The following LRIT1 variants were observed in gnomAD, a reference collection of about 807,000 sequenced individuals.
The protein encoded by LRIT1 is leucine rich repeat, Ig-like and transmembrane domains 1.
In LRIT1, 23 loss-of-function variants were observed where a neutral mutation model predicts 24.0. That is an observed-to-expected ratio of 0.96 (90% CI 0.69 to 1.36). LRIT1 has a LOEUF of 1.36. LRIT1 is among the 40% of genes most tolerant of loss of function. The probability of loss-of-function intolerance (pLI) is 0.00; values close to 1 mark genes in which losing one functional copy is unlikely to be tolerated. For synonymous variants in LRIT1, 361 were observed against 340.5 expected, an observed-to-expected ratio of 1.06 and a Z score of -0.66; for missense variants, 846 against 806.3, an observed-to-expected ratio of 1.05 and a Z score of -0.60.
At chr10:84,233,593 C>A (rs1461484361) in intron 3 of LRIT1, among the ~76,000 whole-genome samples, 1 of 152,066 alleles carries the variant, frequency 6.6e-6, no homozygotes, top group Non-Finnish European at 1.5e-5. Context: ...TACTTATATG[C>A]AAAATAAGAA....
chr10:84,233,468 A>G (rs939501611), intron 3 of LRIT1, among the ~76,000 whole-genome samples: 1 of 149,650 alleles, frequency 6.7e-6, no homozygotes, highest in African/African-American at 2.5e-5. Context: ...CCAACCCACT[A>G]TGTTCTTAAG....
Position 84,241,415 on chromosome 10 carries a change from A to G in LRIT1, c.25T>C (p.Trp9Arg). Residue 9 changes from tryptophan to arginine, a missense_variant, in exon 1 of 4, where the codon TGG becomes CGG. Transcript: ENST00000372105. The stretch of plus-strand genomic sequence containing the variant: ...GGGGGCCACGCAAGGGCCAAGAGCC[A>G]GAGCATGCCTAATGCCACCCTCATG... MRVALGML[W>R]LLALAWPPQA... is the part of the protein sequence containing the mutation. 1 of 1,604,378 alleles carries G rather than the reference A, an allele frequency of 6.2e-7. No individual in the cohort carries two copies.
In LRIT1 at chr10:84,237,502, G is replaced by A; in HGVS notation, c.307C>T (p.Leu103=). The A allele has an allele frequency of 6.2e-7, 1 of 1,600,240 alleles. No individual in the cohort carries two copies. The highest frequency in any genetic ancestry group is 8.5e-7 in the Non-Finnish European group (1 of 1,177,292). The change falls in exon 2 of 4, where the codon CTG becomes TTG. Residue 103 remains leucine (L), a synonymous_variant. Transcript: ENST00000372105. ...TCCCGCAGGCGTCGCAGGCCCCGCA[G>A]CATGAGGGCGTTGAGCTCGCTGAGG... ...NALSELNALM[L]RGLRRLRELR...
rs1329664707 is a variant in LRIT1, at chr10:84,237,368, G to T, written c.441C>A (p.Pro147=). ...TCTCCAGGAAGCGCGCGGCCTCAGC[G>T]GGCACAGCCGAGAGGCGGTTGGCCT... ...DLQANRLSAV[P]AEAARFLENL... The change falls in exon 2 of 4, where the codon CCC becomes CCA. Residue 147 remains proline, a synonymous_variant. Transcript: ENST00000372105. The T allele has an allele frequency of 1.3e-6, 2 of 1,549,786 alleles. No homozygotes were observed. Among genetic ancestry groups the T allele is most frequent in the East Asian group, 2.4e-5 (1 of 40,896 alleles).
In LRIT1 at chr10:84,232,165, A is replaced by G. The variant is rs1842604334; in HGVS notation, c.1634T>C (p.Leu545Pro). ...CTGAAGAGCACTGCAGCAGACAAGC[A>G]GCGTGAGAGGCAGGGCAATGACGAT... is the stretch of plus-strand genomic sequence containing the variant. ...VAIVIALPLT[L>P]LVCCSALQKR... The change falls in exon 4 of 4, where the codon CTG becomes CCG. Residue 545 changes from leucine (L) to proline (P), a missense_variant. Leu to Pro is a moderately conservative substitution (Grantham distance 98, BLOSUM62 -3). Transcript: ENST00000372105. 5.0e-6 allele frequency: 8 copies of G among 1,614,240 alleles called. No individual in the cohort carries two copies. The highest frequency in any genetic ancestry group is 5.9e-6 in the Non-Finnish European group (7 of 1,180,040).
Position 84,237,449 on chromosome 10 carries a change from G to A in LRIT1, c.360C>T (p.Ala120=), listed in dbSNP as rs775448697. 7 of 1,557,270 alleles carry A rather than the reference G, an allele frequency of 4.5e-6. No homozygotes were observed. Among genetic ancestry groups the A allele is most frequent in the Admixed American group, 3.8e-5 (2 of 52,248 alleles). ...RELRLPGNRL[A]AFPWAALRDA... ...CCCTGAGCGCCGCCCAGGGGAAGGCGGCCAGGCGGTTCCCGGGCAGCCGCA... is the reference window on the plus strand; with the variant it reads ...CCCTGAGCGCCGCCCAGGGGAAGGCAGCCAGGCGGTTCCCGGGCAGCCGCA... Residue 120 remains alanine (A), a synonymous_variant, in exon 2 of 4, where the codon GCC becomes GCT. Coordinates refer to ENST00000372105, the MANE Select transcript of LRIT1 (RefSeq NM_015613.3).
chr10:84,237,356 C>A lies in LRIT1; in HGVS notation c.453G>T (p.Ala151=). 6.5e-7 allele frequency: 1 copy of A among 1,550,254 alleles called. No homozygotes were observed. Among genetic ancestry groups the A allele is most frequent in the East Asian group, 2.4e-5 (1 of 40,886 alleles). ...NRLSAVPAEA[A]RFLENLTFLD... ...GGAAGGTGAGGTTCTCCAGGAAGCGCGCGGCCTCAGCGGGCACAGCCGAGA... is the reference window on the plus strand; with the variant it reads ...GGAAGGTGAGGTTCTCCAGGAAGCGAGCGGCCTCAGCGGGCACAGCCGAGA... Residue 151 remains alanine (A), a synonymous_variant, in exon 2 of 4, where the codon GCG becomes GCT. Coordinates refer to ENST00000372105, the MANE Select transcript of LRIT1 (RefSeq NM_015613.3).
chr10:84,231,670 G>T lies in LRIT1; in HGVS notation c.*257C>A. 2.0e-6 allele frequency: 1 copy of T among 490,354 alleles called. No individual in the cohort carries two copies. The highest frequency in any genetic ancestry group is 3.6e-6 in the Non-Finnish European group (1 of 274,114). The allele number at this position is 490,354 out of a possible 1,614,324, so 30.4% of individuals were successfully genotyped here. ...CAAGTTTCTTAACCCCCCACCCCAG[G>T]GAAATGGAGAGAATAGTGATGCCTG... On this transcript the variant is annotated 3_prime_UTR_variant, in exon 4 of 4. Transcript: ENST00000372105.
intron 1 of LRIT1, among the ~76,000 whole-genome samples, chr10:84,240,693 G>C (rs1359457768): frequency 1.3e-5 from 2 of 152,154 alleles, no homozygotes; most frequent in East Asian, 3.9e-4. Flanking sequence ...GGAAAGTCAA[G>C]GAAAAGGCTG....
At chr10:84,236,319 G>C (rs985011180) in intron 2 of LRIT1, among the ~76,000 whole-genome samples, 19 of 151,714 alleles carry the variant, frequency 1.3e-4, no homozygotes, top group Non-Finnish European at 2.2e-4. Flanking sequence ...GGAATGTATT[G>C]CCAAGAATGT....
In LRIT1 at chr10:84,234,162, C is replaced by T. The variant is rs1232402086; in HGVS notation, c.806G>A (p.Gly269Asp). The T allele has an allele frequency of 6.2e-7, 1 of 1,613,738 alleles. No individual in the cohort carries two copies. Among genetic ancestry groups the T allele is most frequent in the Middle Eastern group, 1.7e-4 (1 of 6,038 alleles). Reference protein sequence around the residue: ...GVASIRSLLGGTALLRCGATG... With the variant: ...GVASIRSLLGDTALLRCGATG... ...AGCTCCACAGCGTAGCAGTGCTGTG[C>T]CACCCAAAAGGGACCTGATGCTGGC... Residue 269 changes from glycine to aspartate, a missense_variant, in exon 3 of 4, where the codon GGC (glycine) becomes GAC (aspartate). Gly to Asp is a moderately conservative substitution (Grantham distance 94). Coordinates refer to ENST00000372105, the MANE Select transcript of LRIT1 (RefSeq NM_015613.3).
intron 1 of LRIT1, 145 bp downstream of exon 1, chr10:84,241,173 A>T: frequency 8.3e-7 from 1 of 1,211,964 alleles, no homozygotes; most frequent in Non-Finnish European, 1.2e-6. Context: ...AATGCAGCAC[A>T]GTCCACCCCA....
Position 84,232,318 on chromosome 10 carries a change from T to G in LRIT1, c.1481A>C (p.Tyr494Ser), listed in dbSNP as rs375034716. The change falls in exon 4 of 4, where the codon TAT (tyrosine) becomes TCT (serine). Residue 494 changes from tyrosine to serine, a missense_variant. By Grantham distance (144) the Tyr-to-Ser change is moderately radical. Coordinates refer to ENST00000372105, the MANE Select transcript of LRIT1 (RefSeq NM_015613.3). ...GCCCTGCACACAGACACACGCCACATACTTGGTCTTGGGCAACAGCCCAGT... is the reference window on the plus strand; with the variant it reads ...GCCCTGCACACAGACACACGCCACAGACTTGGTCTTGGGCAACAGCCCAGT... ...TITGLLPKTKYVACVCVQGLV... is the reference protein window; with the variant it reads ...TITGLLPKTKSVACVCVQGLV... 7.4e-6 allele frequency: 12 copies of G among 1,613,910 alleles called. No individual in the cohort carries two copies. The highest frequency in any genetic ancestry group is 8.5e-6 in the Non-Finnish European group (10 of 1,179,976).
chr10:84,237,087 C>T, intron 2 of LRIT1, 133 bp downstream of exon 2: 3 of 735,666 alleles, frequency 4.1e-6, no homozygotes, highest in Admixed American at 2.8e-5. Context: ...CTCCTAAACC[C>T]GCCGCTCTTG....
intron 2 of LRIT1, among the ~76,000 whole-genome samples, chr10:84,234,684 C>T (rs529550599): frequency 6.6e-6 from 1 of 152,330 alleles, no homozygotes; most frequent in South Asian, 2.1e-4. Context: ...TGGACTGATC[C>T]TTTCAGGCCA....
Position 84,234,179 on chromosome 10 carries a change from G to C in LRIT1, c.789C>G (p.Ile263Met), listed in dbSNP as rs777703902. Residue 263 changes from isoleucine to methionine, a missense_variant, in exon 3 of 4, where the codon ATC becomes ATG. Ile to Met is a conservative substitution (Grantham distance 10). Coordinates refer to ENST00000372105, the MANE Select transcript of LRIT1 (RefSeq NM_015613.3). ...GTGCTGTGCCACCCAAAAGGGACCT[G>C]ATGCTGGCCACTCCTGGATGGAGCT... ...GPELHPGVAS[I>M]RSLLGGTALL... 7.4e-6 allele frequency: 12 copies of C among 1,614,060 alleles called. No individual in the cohort carries two copies. The highest frequency in any genetic ancestry group is 3.3e-4 in the Middle Eastern group (2 of 6,062).
rs143326887 is a variant in LRIT1, at chr10:84,241,294, C to G, written c.122+24G>C. ...GCAAAGCAATGGAGGCTGGGCTGCC[C>G]GTCCCACGCACCCGGTACCATACCT... On this transcript the variant is annotated intron_variant, in intron 1 of 3. Transcript: ENST00000372105. 2.4e-3 allele frequency: 3,869 copies of G among 1,613,682 alleles called. 94 individuals carry two copies. The African/African-American group carries it at 0.047, about 20-fold the overall frequency.
In LRIT1 at chr10:84,241,340, T is replaced by C. The variant is rs1339757130; in HGVS notation, c.100A>G (p.Met34Val). 1 of 1,613,616 alleles carries C rather than the reference T, an allele frequency of 6.2e-7. No homozygotes were observed. The highest frequency in any genetic ancestry group is 1.3e-5 in the African/African-American group (1 of 74,890). ...PSQCSCSLHI[M>V]GDGSKARTVV... is the part of the protein sequence containing the mutation. The stretch of plus-strand genomic sequence containing the variant: ...TACCTGGCCTTGCTGCCATCACCCA[T>C]GATATGGAGGCTGCAGCTGCATTGA... The change falls in exon 1 of 4, where the codon ATG (methionine) becomes GTG (valine). Residue 34 changes from methionine (M) to valine (V), a missense_variant. Transcript: ENST00000372105.
Position 84,231,954 on chromosome 10 carries a change from GC to G in LRIT1, c.1844del (p.Gly615AlafsTer31). On this transcript the variant is annotated frameshift_variant, in exon 4 of 4. Coordinates refer to ENST00000372105, the MANE Select transcript of LRIT1 (RefSeq NM_015613.3). LOFTEE classifies it high-confidence loss of function. ...AGCAGAAGTACTCATTGATTCTCCT[GC>G]CCCCTTTGACTCCAAAGGCCTGAAA... The part of the protein sequence containing the change: ...VDFQAFGVKG[G>X]RRINEYFC 6.2e-7 allele frequency: 1 copy of G among 1,610,988 alleles called. No homozygotes were observed. The highest frequency in any genetic ancestry group is 8.5e-7 in the Non-Finnish European group (1 of 1,177,936).
Sources: allele counts gnomAD v4.1 joint callset (sites outside exome capture counted in the v4.1 genomes callset), GRCh38; gene constraint gnomAD v4.1.1; transcripts MANE v1.5; gene names NCBI Gene and HGNC (gene_info 2026-07-23, HGNC 2026-07-21).